The following ARHGAP9 variants were observed in gnomAD, a reference collection of about 807,000 sequenced individuals.
ARHGAP9 encodes the protein Rho GTPase activating protein 9.
ARHGAP9 carries 76 observed loss-of-function variants against 87.3 expected under a neutral mutation model. The ratio of observed to expected loss-of-function variants is 0.87; its 90% CI spans 0.72 to 1.05. The LOEUF (loss-of-function observed/expected upper bound fraction) is 1.05, where lower values mean the gene tolerates loss of function less well. Among genes scored for constraint, ARHGAP9 ranks in the 50% least tolerant of loss-of-function variants. ARHGAP9 has a pLI of 0.00. For missense variants in ARHGAP9, 941 were observed against 960.5 expected, an observed-to-expected ratio of 0.98 and a Z score of 0.27; for synonymous variants, 382 against 394.9, an observed-to-expected ratio of 0.97 and a Z score of 0.39.
chr12:57,475,473 C>A lies in ARHGAP9; in HGVS notation c.1444+10G>T. 6.3e-7 allele frequency: 1 copy of A among 1,590,468 alleles called. No homozygotes were observed. The highest frequency in any genetic ancestry group is 8.5e-7 in the Non-Finnish European group (1 of 1,169,742). On this transcript the variant is annotated intron_variant, in intron 11 of 17. Coordinates refer to ENST00000393791, the MANE Select transcript of ARHGAP9 (RefSeq NM_032496.4). ...GCTCCCGGACTCTCCCTCCCCAGCC[C>A]GCGCCTCACTGGAGCTCCGGCGGCT... is the stretch of plus-strand genomic sequence containing the variant.
In ARHGAP9 at chr12:57,474,690, A is replaced by C; in HGVS notation, c.1665T>G (p.Asp555Glu). ...AAVDKRGLDV[D>E]GIYRVSGNLA... ...AGTTCCCGCTCACCCGATAAATGCCATCCACATCTAGACCTGGGAGATGAG... is the reference window on the plus strand; with the variant it reads ...AGTTCCCGCTCACCCGATAAATGCCCTCCACATCTAGACCTGGGAGATGAG... Residue 555 changes from aspartate to glutamate, a missense_variant, in exon 14 of 18, where the codon GAT becomes GAG. Transcript: ENST00000393791. The C allele has an allele frequency of 6.2e-7, 1 of 1,614,204 alleles. No homozygotes were observed. Among genetic ancestry groups the C allele is most frequent in the Non-Finnish European group, 8.5e-7 (1 of 1,180,030 alleles).
In ARHGAP9 at chr12:57,475,629, G is replaced by A. The variant is rs898359844; in HGVS notation, c.1312-14C>T. On this transcript the variant is annotated splice_polypyrimidine_tract_variant and intron_variant, in intron 10 of 17. Transcript: ENST00000393791. ...GTTCTCCCGATCCTAGACCCGGGGC[G>A]GGCCGTGTCGAAGGTGAGAGAGGAG... The A allele has an allele frequency of 6.2e-7, 1 of 1,605,752 alleles. No homozygotes were observed. The highest frequency in any genetic ancestry group is 8.5e-7 in the Non-Finnish European group (1 of 1,176,290).
At position 57,479,831 on chromosome 12, in the gene ARHGAP9, T is replaced by C. The variant is rs2139962742; in HGVS notation, c.-120A>G. 4.0e-6 allele frequency: 6 copies of C among 1,511,220 alleles called. No homozygotes were observed. Among genetic ancestry groups the C allele is most frequent in the Non-Finnish European group, 5.3e-6 (6 of 1,127,704 alleles). 93.6% of individuals were successfully genotyped at this position (1,511,220 alleles called of 1,614,324 possible). Reference sequence around the variant, plus strand: ...AAGGAGATAAGAAGAAAGAATCAGGTTCAAGACAGAAACAGGGAGACACAA... The same window carrying C: ...AAGGAGATAAGAAGAAAGAATCAGGCTCAAGACAGAAACAGGGAGACACAA... On this transcript the variant is annotated 5_prime_UTR_variant, in exon 1 of 18. Coordinates refer to ENST00000393791, the MANE Select transcript of ARHGAP9 (RefSeq NM_032496.4).
At chr12:57,485,871 G>A (rs1413373182) in intron 1 of ARHGAP9, among the ~76,000 whole-genome samples, 1 of 152,146 alleles carries the variant, frequency 6.6e-6, no homozygotes, top group African/African-American at 2.4e-5. Flanking sequence ...TGGTCTGGAA[G>A]GCTTCACTCA....
At chr12:57,488,195 G>T in intron 1 of ARHGAP9, 2 of 1,611,124 alleles carry the variant, frequency 1.2e-6, no homozygotes, top group South Asian at 2.2e-5. Context: ...CTGTAGGCCC[G>T]GAAGGTACTC....
intron 1 of ARHGAP9, chr12:57,487,996 T>G: frequency 1.0e-6 from 1 of 996,654 alleles, no homozygotes; most frequent in South Asian, 1.4e-5. Context: ...AGTGGCCTAA[T>G]ACGGAACTCC....
Position 57,472,455 on chromosome 12 carries a change from A to C in ARHGAP9, c.*62T>G, listed in dbSNP as rs1430933509. 1 of 1,555,276 alleles carries C rather than the reference A, an allele frequency of 6.4e-7. No individual in the cohort carries two copies. The highest frequency in any genetic ancestry group is 8.7e-7 in the Non-Finnish European group (1 of 1,149,314). ...ATTTAAAGGGATATCCTCAAAACAG[A>C]ACACCAGCCTCTCACCACCAGAGAT... is the stretch of plus-strand genomic sequence containing the variant. On this transcript the variant is annotated 3_prime_UTR_variant, in exon 18 of 18. Coordinates refer to ENST00000393791, the MANE Select transcript of ARHGAP9 (RefSeq NM_032496.4).
chr12:57,473,736 TAGTAAG>T (rs1256459984), intron 16 of ARHGAP9, 28 bp from the exon 17 acceptor site: 1 of 1,592,972 alleles, frequency 6.3e-7, no homozygotes, highest in Non-Finnish European at 8.6e-7. Context: ...AAAGGCATGG[TAGTAAG>T]GTTAGGGAAG....
At chr12:57,484,800 A>G (rs969119307), upstream of ARHGAP9, among the ~76,000 whole-genome samples, 1 of 151,930 alleles carries the variant, frequency 6.6e-6, no homozygotes, top group Admixed American at 6.6e-5. Flanking sequence ...ATGCGCCACC[A>G]TGCCCAGCTA....
upstream of ARHGAP9, chr12:57,480,843 G>C: frequency 1.3e-6 from 2 of 1,550,428 alleles, no homozygotes; most frequent in Non-Finnish European, 1.7e-6. Context: ...TTCTGTTTGG[G>C]TTTGGAGAGG....
At position 57,477,185 on chromosome 12, in the gene ARHGAP9, T is replaced by G. The variant is rs574113529; in HGVS notation, c.841A>C (p.Thr281Pro). 13 of 1,612,720 alleles carry G rather than the reference T, an allele frequency of 8.1e-6. No homozygotes were observed. Among genetic ancestry groups the G allele is most frequent in the Middle Eastern group, 3.3e-4 (2 of 6,052 alleles). The change falls in exon 5 of 18, where the codon ACA becomes CCA. Residue 281 changes from threonine (T) to proline (P), a missense_variant. Thr to Pro is a conservative substitution (Grantham distance 38). Coordinates refer to ENST00000393791, the MANE Select transcript of ARHGAP9 (RefSeq NM_032496.4). ...QPQAKGFRSD[T>P]GTPEPLDPQG... Reference sequence around the variant, plus strand: ...GGGTCAAGCGGTTCTGGGGTCCCTGTGTCAGATCTGAAGCCCTTTGCCTGA... The same window carrying G: ...GGGTCAAGCGGTTCTGGGGTCCCTGGGTCAGATCTGAAGCCCTTTGCCTGA...
In ARHGAP9 at chr12:57,474,877, C is replaced by G. The variant is rs1252668724; in HGVS notation, c.1649G>C (p.Arg550Thr). ...TCTGGGGTCTCTGAGAAAATGACCT[C>G]TTTTATCCACAGCAGCAATGCAGAG... ...LRLCIAAVDKRGLDVDGIYRV... is the reference protein window; with the variant it reads ...LRLCIAAVDKTGLDVDGIYRV... The change falls in exon 13 of 18, where the codon AGA becomes ACA. Residue 550 changes from arginine to threonine, a missense_variant and splice_region_variant. Physicochemically the swap from Arg to Thr is moderately conservative, Grantham distance 71 (BLOSUM62 -1). Transcript: ENST00000393791. The G allele has an allele frequency of 3.1e-6, 5 of 1,614,132 alleles. No homozygotes were observed. Among genetic ancestry groups the G allele is most frequent in the Non-Finnish European group, 3.4e-6 (4 of 1,180,026 alleles).
upstream of ARHGAP9, among the ~76,000 whole-genome samples, chr12:57,482,560 C>T (rs1445414922): frequency 2.0e-5 from 3 of 151,958 alleles, no homozygotes; most frequent in African/African-American, 7.3e-5. Flanking sequence ...TTTAGTTAGC[C>T]AGGTATGGCA....
At chr12:57,480,819 C>A (rs1029997886), upstream of ARHGAP9, 14 of 1,550,450 alleles carry the variant, frequency 9.0e-6, no homozygotes, top group African/African-American at 1.4e-5. Flanking sequence ...TTCTCCACTG[C>A]ACAATGTGAG....
At chr12:57,480,705 T>C, upstream of ARHGAP9, 4 of 1,427,220 alleles carry the variant, frequency 2.8e-6, no homozygotes, top group Non-Finnish European at 3.9e-6. Context: ...CAGCTTCTCC[T>C]TGGTGGAAGG....
At chr12:57,485,500 G>C (rs925517848) in intron 1 of ARHGAP9, among the ~76,000 whole-genome samples, 6 of 148,208 alleles carry the variant, frequency 4.0e-5, no homozygotes, top group Non-Finnish European at 7.4e-5. Context: ...AGGTTGCAGT[G>C]AGCCAAGACC....
chr12:57,477,281 G>A lies in ARHGAP9; in HGVS notation c.757-12C>T, dbSNP rs778396891. 8 of 1,549,616 alleles carry A rather than the reference G, an allele frequency of 5.2e-6. No individual in the cohort carries two copies. In the East Asian group the frequency reaches 1.8e-4, roughly 35 times the overall value. ...ATGGAGCCAGGGTTCTGGGTTAGGG[G>A]AGGAGGAAATAAAGCTACATCCAGA... On this transcript the variant is annotated splice_polypyrimidine_tract_variant and intron_variant, in intron 4 of 17. Transcript: ENST00000393791.
rs1873445988 is a variant in ARHGAP9 at position 57,475,863 on chromosome 12, G to A, written c.1281C>T (p.His427=). 2.5e-6 allele frequency: 4 copies of A among 1,613,948 alleles called. No homozygotes were observed. Among genetic ancestry groups the A allele is most frequent in the African/African-American group, 1.3e-5 (1 of 75,054 alleles). ...GCTCGATGACAGTCCGCAGCGCGCG[G>A]TGCCAGGCTCGCAGCTCTGTCTCGT... is the stretch of plus-strand genomic sequence containing the variant. ...SDHETELRAW[H]RALRTVIERL... is the part of the protein sequence containing the mutation. Residue 427 remains histidine, a synonymous_variant, in exon 10 of 18, where the codon CAC becomes CAT. Transcript: ENST00000393791.
chr12:57,477,503 C>T lies in ARHGAP9; in HGVS notation c.712G>A (p.Gly238Ser). 3 of 1,614,094 alleles carry T rather than the reference C, an allele frequency of 1.9e-6. No individual in the cohort carries two copies. The highest frequency in any genetic ancestry group is 2.5e-6 in the Non-Finnish European group (3 of 1,180,010). ...CGCGGGGGCTTCCAGGACTTGCAGC[C>T]AGTCAGTGAATTTATGTAGAAGCAG... Reference protein sequence around the residue: ...GRCFYINSLTGCKSWKPPRRS... With the variant: ...GRCFYINSLTSCKSWKPPRRS... The change falls in exon 4 of 18, where the codon GGC becomes AGC. Residue 238 changes from glycine to serine, a missense_variant. Gly to Ser is a moderately conservative substitution (Grantham distance 56). Transcript: ENST00000393791.
Sources: allele counts gnomAD v4.1 joint callset (sites outside exome capture counted in the v4.1 genomes callset), GRCh38; gene constraint gnomAD v4.1.1; transcripts MANE v1.5; gene names NCBI Gene and HGNC (gene_info 2026-07-23, HGNC 2026-07-21).